The following PITPNM2 variants were observed in gnomAD, a reference collection of about 807,000 sequenced individuals.
The protein encoded by PITPNM2 is phosphatidylinositol transfer protein membrane associated 2, also known as membrane-associated phosphatidylinositol transfer protein 2.
In PITPNM2, 35 loss-of-function variants were observed where a neutral mutation model predicts 132.2. The observed-to-expected ratio is 0.26, with a 90% CI of 0.20 to 0.35. PITPNM2 has a LOEUF of 0.35. Among genes scored for constraint, PITPNM2 ranks in the 10% least tolerant of loss-of-function variants. The pLI is 1.00. For synonymous variants in PITPNM2, 738 were observed against 799.2 expected, an observed-to-expected ratio of 0.92 and a Z score of 1.29; for missense variants, 1,332 against 1,912.0, an observed-to-expected ratio of 0.70 and a Z score of 5.66.
At chr12:123,021,610 G>T in intron 3 of PITPNM2, 1 of 924,644 alleles carries the variant, frequency 1.1e-6, no homozygotes, top group Non-Finnish European at 1.3e-6. Context: ...CCCCACTGCG[G>T]TGTCAGGTGA....
At chr12:123,068,237 G>C (rs1406353511) in intron 2 of PITPNM2, among the ~76,000 whole-genome samples, 10 of 152,166 alleles carry the variant, frequency 6.6e-5, no homozygotes, top group Admixed American at 6.5e-4. Flanking sequence ...GGAGGCCAAG[G>C]TGGGCGGATC....
Position 123,058,713 on chromosome 12 carries a change from G to A in PITPNM2, c.-95-24028C>T, listed in dbSNP as rs1284314034. Among the ~76,000 whole-genome samples the A allele has an allele frequency of 6.6e-5, 10 of 152,062 alleles. No individual in the cohort carries two copies. The highest frequency in any genetic ancestry group is 1.0e-4 in the Non-Finnish European group (7 of 68,012). ...GAGGCATTTGCTCAAGGCCCCAAGC[G>A]CTGTAGAAGCTGGTAACTGTTGCCT... On this transcript the variant is annotated intron_variant, in intron 2 of 25. Transcript: ENST00000320201. The surrounding 1 kb of genome is among the most constrained non-coding windows in gnomAD (Gnocchi z 4.0).
chr12:123,136,028 G>A (rs888136896), intron 1 of PITPNM2, among the ~76,000 whole-genome samples: 11 of 151,832 alleles, frequency 7.2e-5, no homozygotes, highest in African/African-American at 1.9e-4. Flanking sequence ...TTGGCCAGGC[G>A]CAGTGGCTCA....
rs765125108 is a variant in PITPNM2, at chr12:122,989,818, G to A, written c.2700C>T (p.Ala900=). 24 of 1,404,322 alleles carry A rather than the reference G, an allele frequency of 1.7e-5. No individual in the cohort carries two copies. The highest frequency in any genetic ancestry group is 2.2e-5 in the Non-Finnish European group (24 of 1,075,924). 87.0% of individuals were successfully genotyped at this position (1,404,322 alleles called of 1,614,324 possible). The change falls in exon 18 of 26, where the codon GCC becomes GCT. Residue 900 remains alanine (A), a synonymous_variant. Transcript: ENST00000320201. The stretch of plus-strand genomic sequence containing the variant: ...CAATGTCCAGCTCAGGGAGGCCAGG[G>A]GCCCTCTCCAGGCCAGGGCTTGCCT... ...ARKASPGLER[A]PGLPELDIGE...
chr12:123,071,702 C>A (rs569374863), intron 2 of PITPNM2, among the ~76,000 whole-genome samples: 3 of 152,248 alleles, frequency 2.0e-5, no homozygotes, highest in Non-Finnish European at 2.9e-5. Flanking sequence ...CACGCTCCTG[C>A]GACGAGGCAG....
At chr12:123,001,227 G>A (rs1444587135) in intron 8 of PITPNM2, 69 bp from the exon 9 acceptor site, 25 of 1,254,176 alleles carry the variant, frequency 2.0e-5, no homozygotes, top group Non-Finnish European at 2.8e-5. Flanking sequence ...CCGAGGTGGG[G>A]ACGCCCCTGT....
chr12:122,996,829 G>A lies in PITPNM2; in HGVS notation c.1554C>T (p.Ala518=). ...HIPLAALPLL[A]TSSPQYQEAV... ...CCTCCTGGTACTGGGGGGAGGAGGTGGCCAGCAGGGGGAGGGCAGCCAGGG... is the reference window on the plus strand; with the variant it reads ...CCTCCTGGTACTGGGGGGAGGAGGTAGCCAGCAGGGGGAGGGCAGCCAGGG... Residue 518 remains alanine (A), a synonymous_variant, in exon 12 of 26, where the codon GCC becomes GCT. Coordinates refer to ENST00000320201, the MANE Select transcript of PITPNM2 (RefSeq NM_020845.3). The A allele has an allele frequency of 6.3e-7, 1 of 1,599,396 alleles. No homozygotes were observed. The highest frequency in any genetic ancestry group is 8.5e-7 in the Non-Finnish European group (1 of 1,176,256).
At position 123,009,763 on chromosome 12, in the gene PITPNM2, GC is replaced by G. The variant is rs1375486764; in HGVS notation, c.643+86del. The stretch of plus-strand genomic sequence containing the variant: ...GAAACGCAGACTCCCAGGCAGACAT[GC>G]AAAGAGAGGAGGCAGACAGGCAGGT... On this transcript the variant is annotated intron_variant, in intron 6 of 25. Transcript: ENST00000320201. The surrounding 1 kb of genome is among the most constrained non-coding windows in gnomAD (Gnocchi z 4.8). 7.9e-6 allele frequency: 10 copies of G among 1,268,078 alleles called. No individual in the cohort carries two copies. The highest frequency in any genetic ancestry group is 1.1e-5 in the Non-Finnish European group (10 of 876,358). 78.6% of individuals were successfully genotyped at this position (1,268,078 alleles called of 1,614,324 possible).
intron 2 of PITPNM2, among the ~76,000 whole-genome samples, chr12:123,067,880 A>G (rs1053595000): frequency 1.3e-5 from 2 of 152,158 alleles, no homozygotes; most frequent in Admixed American, 6.5e-5. Context: ...AGAACAGCCA[A>G]TGGGTCTCTT....
intron 13 of PITPNM2, 152 bp downstream of exon 13, chr12:122,996,306 G>T: frequency 9.2e-7 from 1 of 1,086,314 alleles, no homozygotes; most frequent in Non-Finnish European, 1.3e-6. Flanking sequence ...TAACTGGGTA[G>T]AGTCCAAGCC....
chr12:123,019,652 A>T (rs1157363022), intron 3 of PITPNM2, among the ~76,000 whole-genome samples: 1 of 152,166 alleles, frequency 6.6e-6, no homozygotes, highest in Non-Finnish European at 1.5e-5. Flanking sequence ...AATAACCCCA[A>T]ATAGCAAAAT....
At position 122,986,467 on chromosome 12, in the gene PITPNM2, C is replaced by G; in HGVS notation, c.3695G>C (p.Arg1232Pro). Residue 1232 changes from arginine to proline, a missense_variant, in exon 25 of 26, where the codon CGG (arginine) becomes CCG (proline). By Grantham distance (103) the Arg-to-Pro change is moderately radical. Around this residue, in one of 6 missense-constraint regions of PITPNM2, gnomAD observed 251 missense variants for 472.0 expected, o/e 0.53. Transcript: ENST00000320201. ...LSPMQIYIVG[R>P]PTKKLQQQCQ... Reference sequence around the variant, plus strand: ...CTGCTGCTGCAGCTTCTTGGTGGGCCGGCCCACGATGTAGATCTGCATGGG... The same window carrying G: ...CTGCTGCTGCAGCTTCTTGGTGGGCGGGCCCACGATGTAGATCTGCATGGG... The G allele has an allele frequency of 6.3e-7, 1 of 1,578,592 alleles. No individual in the cohort carries two copies. Among genetic ancestry groups the G allele is most frequent in the Non-Finnish European group, 8.6e-7 (1 of 1,162,828 alleles).
chr12:123,025,417 G>A (rs2039822270), intron 3 of PITPNM2, among the ~76,000 whole-genome samples: 1 of 151,742 alleles, frequency 6.6e-6, no homozygotes, highest in Non-Finnish European at 1.5e-5. Flanking sequence ...AAGAGCTCCT[G>A]GAATGTGGAC....
At position 123,020,106 on chromosome 12, in the gene PITPNM2, T is replaced by A. The variant is rs191975033; in HGVS notation, c.79-6064A>T. On this transcript the variant is annotated intron_variant, in intron 3 of 25. Coordinates refer to ENST00000320201, the MANE Select transcript of PITPNM2 (RefSeq NM_020845.3). ...TATCACAAAAGTTTTTTTATTTTTTTATTTTTGTTTGTTTATTTGTTTTGA... is the reference window on the plus strand; with the variant it reads ...TATCACAAAAGTTTTTTTATTTTTTAATTTTTGTTTGTTTATTTGTTTTGA... Among the ~76,000 whole-genome samples the A allele has an allele frequency of 4.1e-3, 625 of 152,274 alleles. 18 individuals carry two copies. The highest frequency in any genetic ancestry group is 8.7e-4 in the Non-Finnish European group (59 of 68,014).
chr12:123,105,785 C>T (rs1474898324), intron 2 of PITPNM2, among the ~76,000 whole-genome samples: 1 of 152,180 alleles, frequency 6.6e-6, no homozygotes, highest in African/African-American at 2.4e-5. Context: ...AAGACAGGGG[C>T]TCTGTACTAG....
At chr12:123,102,871 C>G (rs528238664) in intron 2 of PITPNM2, among the ~76,000 whole-genome samples, 2 of 152,304 alleles carry the variant, frequency 1.3e-5, no homozygotes, top group African/African-American at 4.8e-5. Flanking sequence ...GTAGGGCTGT[C>G]AGATCTCAGC....
chr12:122,991,799 G>T (rs1285436466), intron 16 of PITPNM2: 2 of 1,299,890 alleles, frequency 1.5e-6, no homozygotes, highest in East Asian at 5.6e-5. Context: ...GGTGGGCGCG[G>T]GAACAGGCAT....
intron 3 of PITPNM2, among the ~76,000 whole-genome samples, chr12:123,014,476 G>A (rs927285453): frequency 3.3e-5 from 5 of 152,218 alleles, no homozygotes; most frequent in African/African-American, 1.2e-4. Context: ...GGCTGAGGTG[G>A]GCAGATCACT....
chr12:122,995,601 G>T lies in PITPNM2; in HGVS notation c.1842C>A (p.Gly614=). The T allele has an allele frequency of 6.2e-7, 1 of 1,604,710 alleles. No individual in the cohort carries two copies. The change falls in exon 14 of 26, where the codon GGC becomes GGA. Residue 614 remains glycine, a synonymous_variant. Coordinates refer to ENST00000320201, the MANE Select transcript of PITPNM2 (RefSeq NM_020845.3). ...LMNAAHCCGG[G]GGGGGGGGSS... ...TGCCACCACCGCCACCGCCGCCACC[G>T]CCACCACCGCAGCAGTGTGCTGCAT...
Sources: allele counts gnomAD v4.1 joint callset (sites outside exome capture counted in the v4.1 genomes callset), GRCh38; gene constraint gnomAD v4.1.1; regional missense constraint gnomAD v4.1.1; non-coding constraint Gnocchi (gnomAD v3.1); transcripts MANE v1.5; gene names NCBI Gene and HGNC (gene_info 2026-07-23, HGNC 2026-07-21).